Variants in APBB3 observed in about 807,000 individuals in gnomAD.
APBB3 encodes the protein amyloid-beta A4 precursor protein-binding family B member 3.
Under a neutral mutation model 61.5 loss-of-function variants are expected in APBB3, and 50 were observed. The observed-to-expected ratio is 0.81, with a 90% CI of 0.65 to 1.03. The LOEUF (loss-of-function observed/expected upper bound fraction) is 1.03. APBB3 is among the 50% of genes least tolerant of loss of function. The probability of loss-of-function intolerance (pLI) is 0.00; values close to 1 mark genes in which losing one functional copy is unlikely to be tolerated. For synonymous variants in APBB3, 235 were observed against 233.0 expected, an observed-to-expected ratio of 1.01 and a Z score of -0.08; for missense variants, 550 against 637.4, an observed-to-expected ratio of 0.86 and a Z score of 1.48.
chr5:140,560,522 A>T lies in APBB3; in HGVS notation c.1033-18T>A, dbSNP rs757093595. ...GCCTCTGCCTGCCCACACCAGGCCT[A>T]GTCACTAGAGGGCCAAGCACGGGCC... On this transcript the variant is annotated intron_variant, in intron 11 of 12. Coordinates refer to ENST00000357560, the MANE Select transcript of APBB3 (RefSeq NM_133173.3). The surrounding 1 kb of genome is among the most constrained non-coding windows in gnomAD (Gnocchi z 5.1). 1.2e-6 allele frequency: 2 copies of T among 1,610,026 alleles called. No homozygotes were observed. The highest frequency in any genetic ancestry group is 2.2e-5 in the South Asian group (2 of 90,828).
Position 140,558,424 on chromosome 5 carries a change from C to T in APBB3, c.*161G>A, listed in dbSNP as rs762821343. On this transcript the variant is annotated 3_prime_UTR_variant, in exon 13 of 13. Coordinates refer to ENST00000357560, the MANE Select transcript of APBB3 (RefSeq NM_133173.3). ...TGTGGTGCAGTGCCTCCCAGTCATC[C>T]GTATAAACAATAAATTGGGCAATAA... 82 of 806,078 alleles carry T rather than the reference C, an allele frequency of 1.0e-4. No individual in the cohort carries two copies. Among genetic ancestry groups the T allele is most frequent in the South Asian group, 9.1e-4 (63 of 68,918 alleles). 49.9% of individuals were successfully genotyped at this position (806,078 alleles called of 1,614,324 possible). A position where few individuals can be genotyped will look rare whatever the true frequency, so the allele number is the denominator to read the frequency against.
rs956881963 is a variant in APBB3, at chr5:140,563,688, G to C, written c.214-18C>G. On this transcript the variant is annotated intron_variant, in intron 2 of 12. Coordinates refer to ENST00000357560, the MANE Select transcript of APBB3 (RefSeq NM_133173.3). ...TCCGTTCCCTGTAGAGTGGGAGTTA[G>C]TCAGTTTAACAGCAGACCTAGGTCC... 4 of 1,613,944 alleles carry C rather than the reference G, an allele frequency of 2.5e-6. No individual in the cohort carries two copies. The highest frequency in any genetic ancestry group is 3.4e-6 in the Non-Finnish European group (4 of 1,179,964).
Position 140,560,913 on chromosome 5 carries a change from T to C in APBB3, c.916+105A>G. ...GGGAAGGCTGGTAGACCCCAGGCCATAACAAGGCCACGGGAGGACTCTTGA... is the reference window on the plus strand; with the variant it reads ...GGGAAGGCTGGTAGACCCCAGGCCACAACAAGGCCACGGGAGGACTCTTGA... On this transcript the variant is annotated intron_variant, in intron 10 of 12. Coordinates refer to ENST00000357560, the MANE Select transcript of APBB3 (RefSeq NM_133173.3). The surrounding 1 kb of genome is among the most constrained non-coding windows in gnomAD (Gnocchi z 5.1). 1.4e-6 allele frequency: 2 copies of C among 1,440,354 alleles called. No individual in the cohort carries two copies. Among genetic ancestry groups the C allele is most frequent in the Non-Finnish European group, 1.9e-6 (2 of 1,043,364 alleles). The allele number at this position is 1,440,354 out of a possible 1,614,324, so 89.2% of individuals were successfully genotyped here. A position where few individuals can be genotyped will look rare whatever the true frequency, so the allele number is the denominator to read the frequency against.
chr5:140,558,605 A>G lies in APBB3; in HGVS notation c.1441T>C (p.Ser481Pro). 1 of 1,614,164 alleles carries G rather than the reference A, an allele frequency of 6.2e-7. No individual in the cohort carries two copies. Among genetic ancestry groups the G allele is most frequent in the Non-Finnish European group, 8.5e-7 (1 of 1,180,012 alleles). ...SFLDAFRLKP[S>P]LLHMP ...TAAGTTTAGGGCATATGGAGCAGAG[A>G]GGGTTTCAGCCGGAAGGCATCAAGA... is the stretch of plus-strand genomic sequence containing the variant. Residue 481 changes from serine to proline, a missense_variant, in exon 13 of 13, where the codon TCT (serine) becomes CCT (proline). Coordinates refer to ENST00000357560, the MANE Select transcript of APBB3 (RefSeq NM_133173.3).
intron 7 of APBB3, 69 bp downstream of exon 7, chr5:140,561,775 G>C (rs1397489319): frequency 1.2e-6 from 2 of 1,613,934 alleles, no homozygotes. Flanking sequence ...GGAAAGTCAG[G>C]CTAGGGATAT....
Position 140,560,897 on chromosome 5 carries a change from G to A in APBB3, c.916+121C>T, listed in dbSNP as rs1754922130. ...CTTAGAATTCTGATTTGGGAAGGCT[G>A]GTAGACCCCAGGCCATAACAAGGCC... On this transcript the variant is annotated intron_variant, in intron 10 of 12. Transcript: ENST00000357560. The surrounding 1 kb of genome is among the most constrained non-coding windows in gnomAD (Gnocchi z 5.1). 2.2e-6 allele frequency: 3 copies of A among 1,377,438 alleles called. No homozygotes were observed. Among genetic ancestry groups the A allele is most frequent in the Admixed American group, 1.8e-5 (1 of 56,046 alleles). The allele number at this position is 1,377,438 out of a possible 1,614,324, so 85.3% of individuals were successfully genotyped here.
At chr5:140,561,560 A>G (rs745427885) in intron 8 of APBB3, 27 bp downstream of exon 8, 3 of 1,613,912 alleles carry the variant, frequency 1.9e-6, no homozygotes, top group Admixed American at 1.7e-5. Context: ...CCTTACCCAC[A>G]TTCCCTGCCC....
In APBB3 at chr5:140,561,797, A is replaced by G. The variant is rs751041346; in HGVS notation, c.632+47T>C. On this transcript the variant is annotated intron_variant, in intron 7 of 12. Transcript: ENST00000357560. ...CAGGCTAGGGATATAGCAGGGATGG[A>G]GTAGGGACATCAGGGATGGGGCTCA... 1.9e-6 allele frequency: 3 copies of G among 1,613,944 alleles called. No homozygotes were observed. In the Admixed American group the frequency reaches 5.0e-5, roughly 27 times the overall value.
chr5:140,561,860 A>G lies in APBB3; in HGVS notation c.627-11T>C. ...TTCACTCACCTGTCACTGTTCCGGA[A>G]GCATGTGGGAGCACAGAAGGGAATC... On this transcript the variant is annotated splice_polypyrimidine_tract_variant and intron_variant, in intron 6 of 12. Transcript: ENST00000357560. 1 of 1,613,630 alleles carries G rather than the reference A, an allele frequency of 6.2e-7. No homozygotes were observed. Among genetic ancestry groups the G allele is most frequent in the South Asian group, 1.1e-5 (1 of 90,878 alleles).
In APBB3 at chr5:140,560,902, A is replaced by G; in HGVS notation, c.916+116T>C. The G allele has an allele frequency of 1.5e-6, 2 of 1,375,000 alleles. No individual in the cohort carries two copies. Among genetic ancestry groups the G allele is most frequent in the South Asian group, 2.5e-5 (2 of 81,302 alleles). 85.2% of individuals were successfully genotyped at this position (1,375,000 alleles called of 1,614,324 possible). A position where few individuals can be genotyped will look rare whatever the true frequency, so the allele number is the denominator to read the frequency against. On this transcript the variant is annotated intron_variant, in intron 10 of 12. Transcript: ENST00000357560. This position sits in a 1 kb window ranked among gnomAD's most constrained non-coding sequence, Gnocchi z 5.1. Reference sequence around the variant, plus strand: ...AATTCTGATTTGGGAAGGCTGGTAGACCCCAGGCCATAACAAGGCCACGGG... The same window carrying G: ...AATTCTGATTTGGGAAGGCTGGTAGGCCCCAGGCCATAACAAGGCCACGGG...
chr5:140,564,105 TC>T lies in APBB3; in HGVS notation c.49+91del. On this transcript the variant is annotated intron_variant, in intron 1 of 12. Coordinates refer to ENST00000357560, the MANE Select transcript of APBB3 (RefSeq NM_133173.3). This position sits in a 1 kb window ranked among gnomAD's most constrained non-coding sequence, Gnocchi z 5.0. ...CCCCTGGTCCCTACACAGAGAGGTA[TC>T]CCCCACCGTCTTTGAGCCCCAGAGT... The T allele has an allele frequency of 1.9e-6, 3 of 1,566,950 alleles. No homozygotes were observed. The highest frequency in any genetic ancestry group is 2.6e-6 in the Non-Finnish European group (3 of 1,144,568).
In APBB3 at chr5:140,561,002, C is replaced by G. The variant is rs779086641; in HGVS notation, c.916+16G>C. The G allele has an allele frequency of 1.6e-5, 25 of 1,609,920 alleles. No individual in the cohort carries two copies. In the South Asian group the frequency reaches 2.7e-4, roughly 18 times the overall value. On this transcript the variant is annotated intron_variant, in intron 10 of 12. Coordinates refer to ENST00000357560, the MANE Select transcript of APBB3 (RefSeq NM_133173.3). ...GCCTCACACAGCCCACCACATGCAG[C>G]CCCCTCAGTCCTCACCCATGGCCTT...
At position 140,564,433 on chromosome 5, in the gene APBB3, CA is replaced by C. The variant is rs1469381614; in HGVS notation, c.-189del. 3.1e-6 allele frequency: 2 copies of C among 646,248 alleles called. No homozygotes were observed. The highest frequency in any genetic ancestry group is 5.6e-5 in the East Asian group (2 of 35,980). 40.0% of individuals were successfully genotyped at this position (646,248 alleles called of 1,614,324 possible). On this transcript the variant is annotated 5_prime_UTR_variant, in exon 1 of 13. Coordinates refer to ENST00000357560, the MANE Select transcript of APBB3 (RefSeq NM_133173.3). This position sits in a 1 kb window ranked among gnomAD's most constrained non-coding sequence, Gnocchi z 5.0. ...GTCCCGGGGGAGGGCCTGAGCCGCA[CA>C]GCCCGCCCAGGGGTGGTGCGTGTAA...
At chr5:140,561,303 C>A in intron 9 of APBB3, 62 bp downstream of exon 9, 1 of 1,572,666 alleles carries the variant, frequency 6.4e-7, no homozygotes, top group East Asian at 2.2e-5. Flanking sequence ...CCAGAAATCG[C>A]CCCCCCACAA....
At chr5:140,561,901 A>C in intron 6 of APBB3, 52 bp from the exon 7 acceptor site, 1 of 1,612,866 alleles carries the variant, frequency 6.2e-7, no homozygotes, top group South Asian at 1.1e-5. Flanking sequence ...AGCCTCTCGG[A>C]CTCTCCCCAA....
Position 140,562,373 on chromosome 5 carries a change from G to A in APBB3, c.478C>T (p.Pro160Ser), listed in dbSNP as rs1236113693. ...LAQTRSRSQP[P>S]DGAWGEGQNM... is the part of the protein sequence containing the mutation. ...CTCACCTCACCCCAGGCACCATCTG[G>A]AGGCTGGCTCCGGCTGCGGGTCTGG... The change falls in exon 5 of 13, where the codon CCA becomes TCA. Residue 160 changes from proline (P) to serine (S), a missense_variant. By Grantham distance (74) the Pro-to-Ser change is moderately conservative. Transcript: ENST00000357560. 12 of 1,614,028 alleles carry A rather than the reference G, an allele frequency of 7.4e-6. No homozygotes were observed. The highest frequency in any genetic ancestry group is 2.2e-5 in the East Asian group (1 of 44,894).
intron 3 of APBB3, chr5:140,563,000 A>G: frequency 2.3e-6 from 1 of 434,098 alleles, no homozygotes; most frequent in Non-Finnish European, 4.2e-6. Flanking sequence ...TAATCCCAAC[A>G]CTTTGGGAGG....
chr5:140,562,340 C>A lies in APBB3; in HGVS notation c.498+13G>T, dbSNP rs1403592102. On this transcript the variant is annotated intron_variant, in intron 5 of 12. Coordinates refer to ENST00000357560, the MANE Select transcript of APBB3 (RefSeq NM_133173.3). ...CCCTGGGCCCAAACCATTAAAGGGCCCAGCCAACTCACCTCACCCCAGGCA... is the reference window on the plus strand; with the variant it reads ...CCCTGGGCCCAAACCATTAAAGGGCACAGCCAACTCACCTCACCCCAGGCA... The A allele has an allele frequency of 6.2e-7, 1 of 1,613,428 alleles. No homozygotes were observed. The highest frequency in any genetic ancestry group is 1.7e-5 in the Admixed American group (1 of 59,934).
rs529334290 is a variant in APBB3, at chr5:140,561,992, G to A, written c.626+108C>T. On this transcript the variant is annotated intron_variant, in intron 6 of 12. Transcript: ENST00000357560. ...GAAGCAGTCCTGGGTCCACATCAGA[G>A]GATCTGTGTCCAGGGGTTCAAGTAC... 3.1e-6 allele frequency: 5 copies of A among 1,612,132 alleles called. No homozygotes were observed. The South Asian group carries it at 4.4e-5, about 14-fold the overall frequency.
Sources: gnomAD v4.1 joint callset for allele counts on GRCh38, gnomAD v4.1.1 for gene constraint, Gnocchi (gnomAD v3.1) non-coding constraint, MANE v1.5 for transcripts, NCBI Gene and HGNC (gene_info 2026-07-23, HGNC 2026-07-21) for gene names.